Variants in ZFP90 observed in about 807,000 individuals in gnomAD.
ZFP90 encodes the protein ZFP90 zinc finger protein.
Under a neutral mutation model 60.8 loss-of-function variants are expected in ZFP90, and 38 were observed. The ratio of observed to expected loss-of-function variants is 0.62; its 90% CI spans 0.48 to 0.82. The LOEUF is 0.82. ZFP90 is among the 40% of genes least tolerant of loss of function. The pLI, the probability that ZFP90 is intolerant of heterozygous loss-of-function variation, is 0.00. For missense variants in ZFP90, 711 were observed against 759.1 expected (o/e 0.94, Z 0.74); for synonymous variants, 287 against 264.8 (o/e 1.08, Z -0.82).
At position 68,564,666 on chromosome 16, in the gene ZFP90, C is replaced by G; in HGVS notation, c.1879C>G (p.His627Asp). 1.9e-6 allele frequency: 3 copies of G among 1,611,992 alleles called. No individual in the cohort carries two copies. Among genetic ancestry groups the G allele is most frequent in the Non-Finnish European group, 2.5e-6 (3 of 1,179,420 alleles). ...CAGCCGAAGTTCAGCTCTTACTAAA[C>G]ACCAGAGAATTCATACTCGAAATAA... Reference protein sequence around the residue: ...NFSRSSALTKHQRIHTRNKL With the variant: ...NFSRSSALTKDQRIHTRNKL Residue 627 changes from histidine (H) to aspartate (D), a missense_variant, in exon 5 of 5, where the codon CAC (histidine) becomes GAC (aspartate). His to Asp is a moderately conservative substitution (Grantham distance 81). Transcript: ENST00000563169.
rs114704052 is a variant in ZFP90 at position 68,544,336 on chromosome 16, C to T, written c.33+4511C>T. Among the ~76,000 whole-genome samples, 778 of 152,298 alleles carry T rather than the reference C, an allele frequency of 5.1e-3. 9 individuals are homozygous for T. Among genetic ancestry groups the T allele is most frequent in the African/African-American group, 0.018 (743 of 41,560 alleles). On this transcript the variant is annotated intron_variant, in intron 2 of 4. Transcript: ENST00000563169. ...CTGAGGTGAGAGGATCACTTAAGCT[C>T]AGGAGTTTGAGGCTACAGTGAGCTA...
At chr16:68,557,895 A>AT (rs2091371154) in intron 2 of ZFP90, 103 bp from the exon 3 acceptor site, 1 of 1,493,900 alleles carries the variant, frequency 6.7e-7, no homozygotes, top group Non-Finnish European at 9.2e-7. Context: ...AATCTAACAA[A>AT]TGTGTGATCA....
chr16:68,534,182 CTAT>C (rs1178182041), intron 2 of ZFP90, among the ~76,000 whole-genome samples: 10 of 148,082 alleles, frequency 6.8e-5, no homozygotes, highest in African/African-American at 1.7e-4. Context: ...TGTGTCTAAT[CTAT>C]TATTAACCAT....
intron 2 of ZFP90, among the ~76,000 whole-genome samples, chr16:68,546,395 T>A (rs772858175): frequency 2.7e-4 from 41 of 152,288 alleles, no homozygotes; most frequent in Middle Eastern, 6.8e-3. Flanking sequence ...AACTCTACAA[T>A]CCATTAAACA....
At chr16:68,556,411 G>T (rs1359282623) in intron 2 of ZFP90, among the ~76,000 whole-genome samples, 2 of 152,172 alleles carry the variant, frequency 1.3e-5, no homozygotes, top group Non-Finnish European at 2.9e-5. Flanking sequence ...TGTAATTTTA[G>T]CTAGCGAGCC....
At chr16:68,538,500 G>C (rs2090979544), upstream of ZFP90, among the ~76,000 whole-genome samples, 2 of 152,006 alleles carry the variant, frequency 1.3e-5, 1 homozygote, top group South Asian at 4.1e-4. Context: ...AGGCGAGTTC[G>C]AGACCAGCAT....
At chr16:68,539,011 G>A (rs2090985113), upstream of ZFP90, among the ~76,000 whole-genome samples, 1 of 152,190 alleles carries the variant, frequency 6.6e-6, no homozygotes, top group Admixed American at 6.5e-5. Context: ...CAGCCTCGTC[G>A]AAAGGGGCGT....
At chr16:68,544,415 A>G (rs1307570305) in intron 2 of ZFP90, among the ~76,000 whole-genome samples, 6 of 152,104 alleles carry the variant, frequency 3.9e-5, no homozygotes, top group Non-Finnish European at 8.8e-5. Flanking sequence ...CCATCTCAAA[A>G]CAAACAAACA....
chr16:68,549,758 A>C, intron 2 of ZFP90, among the ~76,000 whole-genome samples: 1 of 151,102 alleles, frequency 6.6e-6, no homozygotes, highest in Non-Finnish European at 1.5e-5. Context: ...ATGGGGACCA[A>C]ATGCTGAAGG....
intron 4 of ZFP90, among the ~76,000 whole-genome samples, chr16:68,559,252 C>G (rs1464738206): frequency 6.6e-6 from 1 of 152,134 alleles, no homozygotes; most frequent in Non-Finnish European, 1.5e-5. Context: ...GCCATAGACT[C>G]AGAAGTCTTC....
chr16:68,537,276 C>T (rs1254916817), upstream of ZFP90, among the ~76,000 whole-genome samples: 1 of 151,962 alleles, frequency 6.6e-6, no homozygotes, highest in Non-Finnish European at 1.5e-5. Context: ...CAGGCGCACG[C>T]CACCACACCC....
intron 2 of ZFP90, chr16:68,575,657 A>G (rs1332359716): frequency 2.5e-6 from 1 of 394,172 alleles, no homozygotes; most frequent in Non-Finnish European, 4.5e-6. Context: ...GTGATCAATC[A>G]GAGGAAAGCA....
chr16:68,563,947 C>G lies in ZFP90; in HGVS notation c.1160C>G (p.Thr387Ser). The change falls in exon 5 of 5, where the codon ACT (threonine) becomes AGT (serine). Residue 387 changes from threonine to serine, a missense_variant. Physicochemically the swap from Thr to Ser is moderately conservative, Grantham distance 58. Transcript: ENST00000563169. ...TCTTCCCTTGTCCAACATGAGAGGA[C>G]TCATACTGGAGAGAAACCTTTTGAA... is the stretch of plus-strand genomic sequence containing the variant. ...RCSSLVQHER[T>S]HTGEKPFECS... The G allele has an allele frequency of 6.2e-7, 1 of 1,614,042 alleles. No homozygotes were observed. The highest frequency in any genetic ancestry group is 1.1e-5 in the South Asian group (1 of 91,076).
chr16:68,538,013 A>G (rs777513320), upstream of ZFP90, among the ~76,000 whole-genome samples: 10 of 152,104 alleles, frequency 6.6e-5, no homozygotes, highest in Non-Finnish European at 1.3e-4. Flanking sequence ...CCCAGATTCA[A>G]GCGATTCTCC....
At chr16:68,548,407 T>G (rs2091191835) in intron 2 of ZFP90, among the ~76,000 whole-genome samples, 1 of 151,850 alleles carries the variant, frequency 6.6e-6, no homozygotes, top group Admixed American at 6.6e-5. Context: ...ATTTAAAAGT[T>G]TTTTGTTAAG....
intron 2 of ZFP90, among the ~76,000 whole-genome samples, chr16:68,575,535 C>CAAAAAAA (rs34872149): frequency 1.2e-5 from 1 of 82,366 alleles, no homozygotes. Flanking sequence ...TGTGAGTATG[C>CAAAAAAA]AAAAAAAAAA....
Position 68,565,185 on chromosome 16 carries a change from T to G in ZFP90, c.*487T>G, listed in dbSNP as rs557567179. On this transcript the variant is annotated 3_prime_UTR_variant, in exon 5 of 5. Coordinates refer to ENST00000563169, the MANE Select transcript of ZFP90 (RefSeq NM_001305203.2). ...AATTAGATCAACTAGCCCAACCACT[T>G]CATTGTACAGATGAAGACTGAAAGC... The G allele has an allele frequency of 3.4e-5, 34 of 990,306 alleles. No homozygotes were observed. Among genetic ancestry groups the G allele is most frequent in the African/African-American group, 7.0e-5 (4 of 57,360 alleles). The allele number at this position is 990,306 out of a possible 1,614,324, so 61.3% of individuals were successfully genotyped here.
chr16:68,543,566 C>T (rs56404835), intron 2 of ZFP90, among the ~76,000 whole-genome samples: 1 of 133,446 alleles, frequency 7.5e-6, no homozygotes, highest in Non-Finnish European at 1.6e-5. Flanking sequence ...GCCTTTTTTT[C>T]TTTTTTTTTT....
chr16:68,546,792 G>A (rs530979417), intron 2 of ZFP90, among the ~76,000 whole-genome samples: 2 of 152,346 alleles, frequency 1.3e-5, no homozygotes, highest in African/African-American at 2.4e-5. Context: ...GATTAGAGGC[G>A]TGAGCCACCA....
Sources: allele counts gnomAD v4.1 joint callset (sites outside exome capture counted in the v4.1 genomes callset), GRCh38; gene constraint gnomAD v4.1.1; transcripts MANE v1.5; gene names NCBI Gene and HGNC (gene_info 2026-07-23, HGNC 2026-07-21).